Variants in CADM2 observed in about 807,000 individuals in gnomAD.
The protein encoded by CADM2 is cell adhesion molecule 2.
In CADM2, 12 loss-of-function variants were observed where a neutral mutation model predicts 49.8. The ratio of observed to expected loss-of-function variants is 0.24; its 90% CI spans 0.15 to 0.39. The LOEUF (loss-of-function observed/expected upper bound fraction) is 0.39, where lower values mean the gene tolerates loss of function less well. Ranked by LOEUF, CADM2 falls within the 10% of genes least tolerant of loss-of-function variation. The probability of loss-of-function intolerance (pLI) is 1.00; values close to 1 mark genes in which losing one functional copy is unlikely to be tolerated. For synonymous variants in CADM2, 214 were observed against 175.4 expected (o/e 1.22, Z -1.74); for missense variants, 378 against 492.3 (o/e 0.77, Z 2.20).
intron 1 of CADM2, among the ~76,000 whole-genome samples, chr3:85,382,148 C>G (rs572688043): frequency 4.7e-4 from 72 of 151,654 alleles, no homozygotes; most frequent in South Asian, 1.0e-3. Flanking sequence ...ATTTATAAAA[C>G]AAAAATAAAA....
At chr3:85,939,348 G>A (rs369140832) in intron 7 of CADM2, among the ~76,000 whole-genome samples, 6 of 151,888 alleles carry the variant, frequency 4.0e-5, no homozygotes, top group South Asian at 2.1e-4. Context: ...AGTGAGGACC[G>A]AGCTAATGCC....
chr3:85,107,631 T>TTCTTTTTCTTTC lies in CADM2; in HGVS notation c.61+147964_61+147965insCTTTTTCTTTCT, dbSNP rs58177574. ...TCTTTTTCTTTCTTTCTTTCTTTCTTTTTCTTTCTTTCTTTCTTTCTTTCT... is the reference window on the plus strand; with the variant it reads ...TCTTTTTCTTTCTTTCTTTCTTTCTTTCTTTTTCTTTCTTTCTTTCTTTCTTTCTTTCTTTCT... On this transcript the variant is annotated intron_variant, in intron 1 of 9. Coordinates refer to ENST00000383699, the MANE Select transcript of CADM2 (RefSeq NM_001167675.2). 2.2e-3 allele frequency among the ~76,000 whole-genome samples: 299 copies of TTCTTTTTCTTTC among 137,930 alleles called. 2 individuals carry two copies. Among genetic ancestry groups the TTCTTTTTCTTTC allele is most frequent in the African/African-American group, 7.4e-3 (286 of 38,480 alleles). The allele number at this position is 137,930 out of a possible 152,430, so 90.5% of individuals were successfully genotyped here. A position where few individuals can be genotyped will look rare whatever the true frequency, so the allele number is the denominator to read the frequency against.
At chr3:86,025,550 A>G (rs1040424257) in intron 8 of CADM2, among the ~76,000 whole-genome samples, 5 of 152,018 alleles carry the variant, frequency 3.3e-5, no homozygotes, top group Admixed American at 6.6e-5. Context: ...CATCTGGCAG[A>G]CACTTCCTTC....
At chr3:85,253,251 T>C (rs1438985341) in intron 1 of CADM2, among the ~76,000 whole-genome samples, 1 of 152,084 alleles carries the variant, frequency 6.6e-6, no homozygotes, top group Non-Finnish European at 1.5e-5. Flanking sequence ...GAGGAAAATA[T>C]GCAAATGTGT....
intron 1 of CADM2, among the ~76,000 whole-genome samples, chr3:85,134,219 C>T (rs1249357708): frequency 1.3e-5 from 2 of 152,218 alleles, no homozygotes; most frequent in East Asian, 1.9e-4. Flanking sequence ...CCGCGCGCAG[C>T]CCCGGTTCCC....
At chr3:85,799,327 G>A (rs1038343656) in intron 2 of CADM2, among the ~76,000 whole-genome samples, 3 of 152,182 alleles carry the variant, frequency 2.0e-5, no homozygotes, top group African/African-American at 2.4e-5. Flanking sequence ...AGTGGTGAGA[G>A]AGGGCATCCT....
intron 1 of CADM2, among the ~76,000 whole-genome samples, chr3:84,975,196 T>C (rs1281954687): frequency 6.6e-6 from 1 of 151,796 alleles, no homozygotes; most frequent in East Asian, 1.9e-4. Flanking sequence ...TGCTACCTGA[T>C]AGTCAAAAAT....
At chr3:85,880,776 G>T (rs940092861) in intron 3 of CADM2, among the ~76,000 whole-genome samples, 2 of 152,074 alleles carry the variant, frequency 1.3e-5, no homozygotes, top group Non-Finnish European at 2.9e-5. Flanking sequence ...TATGAGAAAT[G>T]CCCCCACTCA....
At chr3:85,387,255 G>A (rs1057305764) in intron 1 of CADM2, among the ~76,000 whole-genome samples, 1 of 152,034 alleles carries the variant, frequency 6.6e-6, no homozygotes. Context: ...ATTAACTTCT[G>A]TTTTGCATGG....
At chr3:85,043,987 TCTC>T (rs1230830492) in intron 1 of CADM2, among the ~76,000 whole-genome samples, 2 of 152,040 alleles carry the variant, frequency 1.3e-5, no homozygotes, top group East Asian at 1.9e-4. Context: ...GGCCTCTAAA[TCTC>T]CTTGTGTTCA....
chr3:85,976,559 A>C (rs1254481285), intron 8 of CADM2, among the ~76,000 whole-genome samples: 1 of 151,648 alleles, frequency 6.6e-6, no homozygotes, highest in Non-Finnish European at 1.5e-5. Context: ...ACAGAATAAA[A>C]CCCTCAAAAT....
intron 3 of CADM2, among the ~76,000 whole-genome samples, chr3:85,874,372 G>A (rs1711535584): frequency 6.6e-6 from 1 of 152,086 alleles, no homozygotes; most frequent in Admixed American, 6.6e-5. Context: ...AACAAGGGCT[G>A]GTTTCTCTAT....
At chr3:85,352,854 T>A (rs1274782538) in intron 1 of CADM2, among the ~76,000 whole-genome samples, 2 of 152,140 alleles carry the variant, frequency 1.3e-5, no homozygotes. Flanking sequence ...TTAATTAACT[T>A]GAATTTTTCT....
chr3:85,257,902 A>G (rs2042925217), intron 1 of CADM2, among the ~76,000 whole-genome samples: 1 of 152,182 alleles, frequency 6.6e-6, no homozygotes, highest in South Asian at 2.1e-4. Flanking sequence ...AACATAGTCA[A>G]TGAAATATTT....
At chr3:85,795,548 A>G (rs2071568681) in intron 2 of CADM2, among the ~76,000 whole-genome samples, 1 of 152,180 alleles carries the variant, frequency 6.6e-6, no homozygotes, top group Non-Finnish European at 1.5e-5. Flanking sequence ...GAGGGAAGCT[A>G]TTCTAATCTC....
chr3:85,386,569 C>T (rs2034244791), intron 1 of CADM2, among the ~76,000 whole-genome samples: 1 of 152,166 alleles, frequency 6.6e-6, no homozygotes, highest in Non-Finnish European at 1.5e-5. Flanking sequence ...GAATTTCAAA[C>T]CTGGGCTGTG....
chr3:85,856,012 CGTT>C (rs1370834743), intron 3 of CADM2, among the ~76,000 whole-genome samples: 3 of 152,106 alleles, frequency 2.0e-5, no homozygotes, highest in Non-Finnish European at 4.4e-5. Flanking sequence ...AGTTCATACT[CGTT>C]ATTTAATTTC....
intron 1 of CADM2, among the ~76,000 whole-genome samples, chr3:85,406,584 A>C (rs1042578870): frequency 1.3e-5 from 2 of 152,078 alleles, no homozygotes; most frequent in African/African-American, 4.8e-5. Context: ...TGCTTAGTTG[A>C]GTTCTCTCTA....
chr3:85,488,154 T>C (rs1482399232), intron 1 of CADM2, among the ~76,000 whole-genome samples: 1 of 152,170 alleles, frequency 6.6e-6, no homozygotes, highest in Admixed American at 6.5e-5. Context: ...GAACCCCTCT[T>C]TCTTTTGCTA....
Sources: allele counts gnomAD v4.1 joint callset (sites outside exome capture counted in the v4.1 genomes callset), GRCh38; gene constraint gnomAD v4.1.1; transcripts MANE v1.5; gene names NCBI Gene and HGNC (gene_info 2026-07-23, HGNC 2026-07-21).